PPARGC1A: variants seen among roughly 807,000 people sequenced by gnomAD.
PPARGC1A encodes the protein PPARG coactivator 1 alpha.
In PPARGC1A, 25 loss-of-function variants were observed where a neutral mutation model predicts 88.7. That is an observed-to-expected ratio of 0.28 (90% CI 0.21 to 0.39). PPARGC1A has a LOEUF of 0.39. PPARGC1A is among the 10% of genes least tolerant of loss of function. The pLI, the probability that PPARGC1A is intolerant of heterozygous loss-of-function variation, is 1.00. For missense variants in PPARGC1A, 880 were observed against 968.7 expected (o/e 0.91, Z 1.22); for synonymous variants, 363 against 355.6 (o/e 1.02, Z -0.24).
intron 2 of PPARGC1A, among the ~76,000 whole-genome samples, chr4:23,859,838 A>C (rs1300622046): frequency 1.8e-5 from 2 of 110,446 alleles, no homozygotes; most frequent in Non-Finnish European, 4.0e-5. Context: ...AATAAAATAA[A>C]ATAAAATAAA....
the PPARGC1A span, among the ~76,000 whole-genome samples, chr4:24,129,061 T>C: frequency 6.6e-6 from 1 of 152,226 alleles, no homozygotes; most frequent in African/African-American, 2.4e-5. Flanking sequence ...AAATTAAAGA[T>C]GACTCCATAT....
chr4:24,416,978 C>T, the PPARGC1A span, among the ~76,000 whole-genome samples: 40 of 148,740 alleles, frequency 2.7e-4, no homozygotes, highest in Non-Finnish European at 4.9e-4. Context: ...TGCAGTGAGC[C>T]GAGATCACAC....
At chr4:24,033,803 T>C in the PPARGC1A span, among the ~76,000 whole-genome samples, 4 of 152,126 alleles carry the variant, frequency 2.6e-5, no homozygotes, top group Non-Finnish European at 5.9e-5. Context: ...TCTGCAGAAA[T>C]GGTTTCAAAT....
At chr4:23,895,332 CT>C (rs1235504297) in intron 1 of PPARGC1A, among the ~76,000 whole-genome samples, 30 of 144,398 alleles carry the variant, frequency 2.1e-4, no homozygotes, top group Admixed American at 1.1e-3. Context: ...TTTTCTTTTT[CT>C]TTTTTTTTTA....
chr4:24,377,171 A>G, the PPARGC1A span, among the ~76,000 whole-genome samples: 2 of 152,086 alleles, frequency 1.3e-5, no homozygotes, highest in African/African-American at 4.8e-5. Flanking sequence ...CAAGTGCACA[A>G]AAAGGTCAGA....
At chr4:24,128,067 C>T in the PPARGC1A span, among the ~76,000 whole-genome samples, 1 of 152,156 alleles carries the variant, frequency 6.6e-6, no homozygotes, top group African/African-American at 2.4e-5. Flanking sequence ...TCCCATTCCC[C>T]TTAGCATCCT....
chr4:24,283,255 C>T, the PPARGC1A span, among the ~76,000 whole-genome samples: 21 of 152,118 alleles, frequency 1.4e-4, no homozygotes, highest in African/African-American at 3.9e-4. Context: ...CTATCCATGT[C>T]GACCTCCCAC....
the PPARGC1A span, among the ~76,000 whole-genome samples, chr4:23,926,544 A>G: frequency 1.3e-5 from 2 of 152,324 alleles, no homozygotes; most frequent in South Asian, 2.1e-4. Context: ...GCGCTTGAAC[A>G]TGGCAGGAAG....
At chr4:24,238,650 G>T in the PPARGC1A span, among the ~76,000 whole-genome samples, 35,802 of 151,738 alleles carry the variant, frequency 0.24, 4,628 homozygotes, top group Non-Finnish European at 0.29. Flanking sequence ...TGTACAAAAA[G>T]GCTTCTCAAG....
chr4:23,907,267 C>T (rs13108219), upstream of PPARGC1A, among the ~76,000 whole-genome samples: 2 of 151,986 alleles, frequency 1.3e-5, no homozygotes, highest in South Asian at 4.1e-4. Context: ...TGATTATAAC[C>T]GAGTAGCAAT....
the PPARGC1A span, among the ~76,000 whole-genome samples, chr4:24,070,581 A>G: frequency 1.3e-5 from 2 of 152,124 alleles, no homozygotes; most frequent in Admixed American, 1.3e-4. Flanking sequence ...AAAATTAGGG[A>G]GACTGAAAAG....
At chr4:24,333,940 C>CAAAAA in the PPARGC1A span, among the ~76,000 whole-genome samples, 45 of 13,840 alleles carry the variant, frequency 3.3e-3, no homozygotes, top group Admixed American at 4.5e-3. Context: ...ACAACAACAA[C>CAAAAA]AAAAAAAAAA....
chr4:23,966,361 G>A, the PPARGC1A span, among the ~76,000 whole-genome samples: 1 of 152,280 alleles, frequency 6.6e-6, no homozygotes, highest in Non-Finnish European at 1.5e-5. Flanking sequence ...TTGAACATTT[G>A]GCATGTGGGT....
the PPARGC1A span, among the ~76,000 whole-genome samples, chr4:24,130,894 T>C: frequency 6.6e-6 from 1 of 152,178 alleles, no homozygotes; most frequent in Admixed American, 6.5e-5. Flanking sequence ...CCAGCCATGC[T>C]GAGCCATATG....
At chr4:23,925,701 A>G in the PPARGC1A span, among the ~76,000 whole-genome samples, 1 of 152,322 alleles carries the variant, frequency 6.6e-6, no homozygotes, top group Non-Finnish European at 1.5e-5. Context: ...TTTCATTGGA[A>G]GGGGTAAGAT....
the PPARGC1A span, among the ~76,000 whole-genome samples, chr4:24,454,281 G>T: frequency 7.9e-5 from 12 of 151,300 alleles, no homozygotes; most frequent in Admixed American, 4.6e-4. Context: ...CTTATACATG[G>T]TTGCTGGTTT....
chr4:24,206,840 TAAAAAAAAAA>T, the PPARGC1A span, among the ~76,000 whole-genome samples: 14 of 43,646 alleles, frequency 3.2e-4, no homozygotes, highest in African/African-American at 7.4e-4. Context: ...GACTTCACCT[TAAAAAAAAAA>T]AAAAAAAAAA....
chr4:24,313,385 CCAGCCAAAG>C, the PPARGC1A span, among the ~76,000 whole-genome samples: 3 of 152,140 alleles, frequency 2.0e-5, no homozygotes, highest in Admixed American at 2.0e-4. Flanking sequence ...TTGCCATGTT[CCAGCCAAAG>C]CAGGAGGCAT....
the PPARGC1A span, among the ~76,000 whole-genome samples, chr4:24,214,647 C>T: frequency 4.5e-3 from 683 of 152,202 alleles, 7 homozygotes; most frequent in African/African-American, 0.016. Context: ...GTGCCGCCTT[C>T]AGTCTTGCCC....
Sources: allele counts gnomAD v4.1 joint callset (sites outside exome capture counted in the v4.1 genomes callset), GRCh38; gene constraint gnomAD v4.1.1; transcripts MANE v1.5; gene names NCBI Gene and HGNC (gene_info 2026-07-23, HGNC 2026-07-21).